Variants in NAALADL2 observed in about 807,000 individuals in gnomAD.
The protein encoded by NAALADL2 is N-acetylated alpha-linked acidic dipeptidase like 2.
A neutral mutation model predicts 87.2 loss-of-function variants in NAALADL2; 76 were observed. The ratio of observed to expected loss-of-function variants is 0.87; its 90% CI spans 0.72 to 1.05. NAALADL2 has a LOEUF of 1.05. Among genes scored for constraint, NAALADL2 ranks in the 50% least tolerant of loss-of-function variants. NAALADL2 has a pLI of 0.00. For missense variants in NAALADL2, 1,089 were observed against 945.8 expected (o/e 1.15, Z -1.99); for synonymous variants, 354 against 331.0 (o/e 1.07, Z -0.75).
At chr3:175,294,231 C>T (rs1248834482) in intron 4 of NAALADL2, among the ~76,000 whole-genome samples, 2 of 152,186 alleles carry the variant, frequency 1.3e-5, no homozygotes, top group Admixed American at 6.5e-5. Flanking sequence ...TTGTTTACTA[C>T]ATATACTTTT....
intron 2 of NAALADL2, among the ~76,000 whole-genome samples, chr3:174,606,591 G>T (rs1272135955): frequency 6.6e-6 from 1 of 152,118 alleles, no homozygotes; most frequent in Non-Finnish European, 1.5e-5. Context: ...TGAAATGAAT[G>T]AAATGAAGCA....
At chr3:174,675,310 G>A (rs1726943989) in intron 2 of NAALADL2, among the ~76,000 whole-genome samples, 1 of 151,920 alleles carries the variant, frequency 6.6e-6, no homozygotes, top group Non-Finnish European at 1.5e-5. Context: ...CTGCAGAAAT[G>A]GGTTCATCTA....
intron 12 of NAALADL2, among the ~76,000 whole-genome samples, chr3:175,742,546 C>T (rs1426641473): frequency 1.7e-4 from 26 of 151,884 alleles, no homozygotes; most frequent in Admixed American, 1.5e-3. Context: ...TACAGGCGCC[C>T]ACCACCACAC....
intron 2 of NAALADL2, among the ~76,000 whole-genome samples, chr3:174,693,319 T>A (rs1365717962): frequency 6.6e-6 from 1 of 152,178 alleles, no homozygotes; most frequent in Non-Finnish European, 1.5e-5. Context: ...ATGTTTTACT[T>A]GGTAGAAGTG....
chr3:175,520,731 T>C lies in NAALADL2; in HGVS notation c.1653+48973T>C, dbSNP rs147163730. ...GCCTAGAGTAAGAACTTAGGATGGA[T>C]AAGAAATCCTCCCTCACATATGGCA... On this transcript the variant is annotated intron_variant, in intron 9 of 13. Coordinates refer to ENST00000454872, the MANE Select transcript of NAALADL2 (RefSeq NM_207015.3). Among the ~76,000 whole-genome samples, 10 of 152,320 alleles carry C rather than the reference T, an allele frequency of 6.6e-5. No homozygotes were observed. In the East Asian group the frequency reaches 1.7e-3, roughly 26 times the overall value.
intron 5 of NAALADL2, among the ~76,000 whole-genome samples, chr3:175,362,238 G>T (rs1026224377): frequency 6.8e-6 from 1 of 147,976 alleles, no homozygotes; most frequent in African/African-American, 2.5e-5. Flanking sequence ...CTCTGTTTTG[G>T]TACCAGTACC....
chr3:175,488,000 G>A (rs1382847033), intron 9 of NAALADL2, among the ~76,000 whole-genome samples: 1 of 152,132 alleles, frequency 6.6e-6, no homozygotes, highest in African/African-American at 2.4e-5. Context: ...CTACTGAAAT[G>A]GAAATGCCAA....
intron 2 of NAALADL2, among the ~76,000 whole-genome samples, chr3:174,681,571 T>C (rs1727543546): frequency 6.6e-6 from 1 of 152,138 alleles, no homozygotes; most frequent in Non-Finnish European, 1.5e-5. Flanking sequence ...CCTGGACATT[T>C]CTGGACACAC....
At chr3:174,876,221 C>G (rs984749844) in intron 1 of NAALADL2, among the ~76,000 whole-genome samples, 1 of 151,990 alleles carries the variant, frequency 6.6e-6, no homozygotes, top group African/African-American at 2.4e-5. Flanking sequence ...GAAAGGATAG[C>G]GAATAGGATC....
At chr3:174,930,614 C>CTTTTTTTTTT (rs760690405) in intron 1 of NAALADL2, among the ~76,000 whole-genome samples, 732 of 66,798 alleles carry the variant, frequency 0.011, 188 homozygotes, top group African/African-American at 0.042. Flanking sequence ...ATAAGATGAA[C>CTTTTTTTTTT]TTTTTTTTTT....
intron 1 of NAALADL2, among the ~76,000 whole-genome samples, chr3:174,485,857 A>G (rs970285002): frequency 6.6e-6 from 1 of 151,884 alleles, no homozygotes; most frequent in Non-Finnish European, 1.5e-5. Context: ...CCAGGGTTTT[A>G]TAGTTTTGGG....
intron 2 of NAALADL2, among the ~76,000 whole-genome samples, chr3:174,693,188 T>C (rs930648861): frequency 5.9e-5 from 9 of 152,166 alleles, no homozygotes; most frequent in African/African-American, 2.2e-4. Context: ...TTATTATTGC[T>C]TAACTTTGGT....
intron 5 of NAALADL2, among the ~76,000 whole-genome samples, chr3:175,442,197 G>A (rs914947822): frequency 5.9e-5 from 9 of 151,842 alleles, no homozygotes; most frequent in African/African-American, 1.9e-4. Context: ...CACCCTCCTC[G>A]ACCTCTCAAA....
intron 9 of NAALADL2, among the ~76,000 whole-genome samples, chr3:175,545,865 A>G (rs894967301): frequency 6.6e-6 from 1 of 152,124 alleles, no homozygotes; most frequent in African/African-American, 2.4e-5. Flanking sequence ...ATTCCATATC[A>G]CCATAGATCT....
intron 2 of NAALADL2, among the ~76,000 whole-genome samples, chr3:175,155,358 G>A (rs568760046): frequency 1.3e-5 from 2 of 152,242 alleles, no homozygotes; most frequent in East Asian, 1.9e-4. Flanking sequence ...TTCACCAGGT[G>A]TAACTTGTTT....
At chr3:174,970,841 G>A (rs1353340627) in intron 1 of NAALADL2, among the ~76,000 whole-genome samples, 1 of 152,084 alleles carries the variant, frequency 6.6e-6, no homozygotes, top group Admixed American at 6.6e-5. Flanking sequence ...AGCATTTATG[G>A]AGTAGTCACT....
chr3:175,537,170 A>C (rs1734933544), intron 9 of NAALADL2, among the ~76,000 whole-genome samples: 1 of 152,200 alleles, frequency 6.6e-6, no homozygotes, highest in Non-Finnish European at 1.5e-5. Flanking sequence ...CAAGGATATA[A>C]AGGTTGTTGG....
At chr3:175,081,663 T>C (rs1177042957) in intron 1 of NAALADL2, among the ~76,000 whole-genome samples, 3 of 152,194 alleles carry the variant, frequency 2.0e-5, no homozygotes, top group Non-Finnish European at 4.4e-5. Context: ...ATTATCTTTT[T>C]ATTTAAGGCT....
At chr3:174,557,772 G>A (rs917403043) in intron 2 of NAALADL2, among the ~76,000 whole-genome samples, 2 of 151,870 alleles carry the variant, frequency 1.3e-5, no homozygotes, top group Non-Finnish European at 2.9e-5. Context: ...TTGATGATTT[G>A]CTAGGTGGAC....
Sources: gnomAD v4.1 joint callset for allele counts (sites outside exome capture counted in the v4.1 genomes callset) on GRCh38, gnomAD v4.1.1 for gene constraint, MANE v1.5 for transcripts, NCBI Gene and HGNC (gene_info 2026-07-23, HGNC 2026-07-21) for gene names.